ADAMTSL1: variants seen among roughly 807,000 people sequenced by gnomAD.
ADAMTSL1 encodes the protein ADAMTS-like protein 1.
A neutral mutation model predicts 201.8 loss-of-function variants in ADAMTSL1; 126 were observed. That is an observed-to-expected ratio of 0.62 (90% CI 0.54 to 0.72). The LOEUF is 0.72. Ranked by LOEUF, ADAMTSL1 falls within the 30% of genes least tolerant of loss-of-function variation. The pLI, the probability that ADAMTSL1 is intolerant of heterozygous loss-of-function variation, is 0.00. For synonymous variants in ADAMTSL1, 1,121 were observed against 903.4 expected (o/e 1.24, Z -4.32); for missense variants, 2,679 against 2,277.8 (o/e 1.18, Z -3.59).
intron 4 of ADAMTSL1, among the ~76,000 whole-genome samples, chr9:18,583,120 G>A (rs1190194421): frequency 6.6e-6 from 1 of 152,168 alleles, no homozygotes; most frequent in East Asian, 1.9e-4. Flanking sequence ...CAGTAGAGGA[G>A]GGTGCTGCTG....
intron 1 of ADAMTSL1, among the ~76,000 whole-genome samples, chr9:18,147,903 G>C (rs371162787): frequency 3.2e-4 from 48 of 152,128 alleles, no homozygotes; most frequent in Non-Finnish European, 5.6e-4. Context: ...CTCCATATTG[G>C]AGATACCAGC....
chr9:18,413,009 T>TA (rs142224594), intron 2 of ADAMTSL1, among the ~76,000 whole-genome samples: 3,253 of 152,294 alleles, frequency 0.021, 110 homozygotes, highest in African/African-American at 0.073. Context: ...CGTTTTTTGT[T>TA]ACCAAGTTTT....
chr9:18,799,978 TG>T (rs1822680122), intron 20 of ADAMTSL1, among the ~76,000 whole-genome samples: 1 of 152,202 alleles, frequency 6.6e-6, no homozygotes, highest in Non-Finnish European at 1.5e-5. Context: ...CCAGCAGTTC[TG>T]TTAACAAAGG....
At chr9:18,781,485 ATCTT>A (rs1821393664) in intron 19 of ADAMTSL1, among the ~76,000 whole-genome samples, 2 of 152,112 alleles carry the variant, frequency 1.3e-5, no homozygotes, top group East Asian at 1.9e-4. Flanking sequence ...AGTTTTCTCT[ATCTT>A]TCAAGTTCTG....
intron 20 of ADAMTSL1, among the ~76,000 whole-genome samples, chr9:18,813,792 A>G (rs550027927): frequency 1.3e-5 from 2 of 152,322 alleles, no homozygotes; most frequent in South Asian, 4.1e-4. Context: ...TCCAATTTGA[A>G]TGCCCTTTAT....
chr9:18,180,531 TC>T (rs1356913043), intron 2 of ADAMTSL1, among the ~76,000 whole-genome samples: 9 of 27,528 alleles, frequency 3.3e-4, no homozygotes, highest in Admixed American at 1.3e-3. Flanking sequence ...AGACTCCGTG[TC>T]AAAAAAAAAA....
At chr9:18,310,830 T>C (rs958867098) in intron 2 of ADAMTSL1, among the ~76,000 whole-genome samples, 1 of 152,236 alleles carries the variant, frequency 6.6e-6, no homozygotes, top group South Asian at 2.1e-4. Flanking sequence ...GAAATACCAT[T>C]TGACTCAGCA....
intron 9 of ADAMTSL1, among the ~76,000 whole-genome samples, chr9:18,671,323 T>C (rs902122077): frequency 1.3e-5 from 2 of 152,178 alleles, no homozygotes; most frequent in African/African-American, 4.8e-5. Context: ...CTGGGCATTA[T>C]GGAACCATGT....
chr9:17,974,781 G>A (rs1735281319), intron 1 of ADAMTSL1, among the ~76,000 whole-genome samples: 1 of 152,082 alleles, frequency 6.6e-6, no homozygotes, highest in Admixed American at 6.6e-5. Context: ...GCACTCGTCT[G>A]TTGAACACTT....
chr9:18,792,841 G>T (rs1822142892), intron 19 of ADAMTSL1, among the ~76,000 whole-genome samples: 1 of 152,188 alleles, frequency 6.6e-6, no homozygotes, highest in Non-Finnish European at 1.5e-5. Flanking sequence ...GTTTACCAAA[G>T]ATAAGTAAAT....
chr9:18,838,147 A>T (rs534513503), intron 23 of ADAMTSL1, among the ~76,000 whole-genome samples: 1 of 152,052 alleles, frequency 6.6e-6, no homozygotes, highest in Admixed American at 6.6e-5. Flanking sequence ...TCTTACATGG[A>T]TGGTGGCAGG....
chr9:17,939,253 A>G (rs1006575339), intron 1 of ADAMTSL1, among the ~76,000 whole-genome samples: 1 of 151,504 alleles, frequency 6.6e-6, no homozygotes, highest in African/African-American at 2.4e-5. Context: ...TTTAGCATGA[A>G]TGTGGTGTTA....
intron 2 of ADAMTSL1, among the ~76,000 whole-genome samples, chr9:18,207,626 T>G (rs1233379053): frequency 6.6e-6 from 1 of 152,182 alleles, no homozygotes; most frequent in Non-Finnish European, 1.5e-5. Context: ...AAAAGGTGAA[T>G]CCATGGTCCG....
chr9:18,777,781 C>T lies in ADAMTSL1; in HGVS notation c.3552C>T (p.His1184=), dbSNP rs768364593. 1.7e-5 allele frequency: 27 copies of T among 1,613,696 alleles called. 1 individual carries two copies. Among genetic ancestry groups the T allele is most frequent in the Admixed American group, 1.2e-4 (7 of 60,006 alleles). ...TCTCAGCCTCGGAGGTGGTCACCCA[C>T]CTGGGGCAGACGGTGGCCCTGGCCA... ...QQLSASEVVT[H]LGQTVALASG... The change falls in exon 19 of 29, where the codon CAC becomes CAT. Residue 1184 remains histidine (H), a synonymous_variant. Coordinates refer to ENST00000380548, the MANE Select transcript of ADAMTSL1 (RefSeq NM_001040272.6).
chr9:18,673,318 G>A (rs1301053138), intron 9 of ADAMTSL1, among the ~76,000 whole-genome samples: 1 of 152,186 alleles, frequency 6.6e-6, no homozygotes, highest in Non-Finnish European at 1.5e-5. Context: ...AAAGGCTAGG[G>A]CCATGGCATG....
At chr9:18,905,708 A>C in intron 26 of ADAMTSL1, 74 bp from the exon 27 acceptor site, 1 of 1,176,838 alleles carries the variant, frequency 8.5e-7, no homozygotes. Context: ...CGTGCATGCC[A>C]TGCAGCCCAA....
chr9:18,156,195 A>G (rs1333359061), intron 1 of ADAMTSL1, among the ~76,000 whole-genome samples: 1 of 152,024 alleles, frequency 6.6e-6, no homozygotes, highest in Non-Finnish European at 1.5e-5. Context: ...CAGTGCAAAC[A>G]ACGAGGTGGG....
chr9:17,963,089 A>G (rs187388422), intron 1 of ADAMTSL1, among the ~76,000 whole-genome samples: 6 of 152,362 alleles, frequency 3.9e-5, no homozygotes, highest in Admixed American at 3.3e-4. Flanking sequence ...CATTTGAACA[A>G]TTCCATTAAA....
intron 23 of ADAMTSL1, among the ~76,000 whole-genome samples, chr9:18,870,387 A>C (rs187169898): frequency 2.0e-5 from 3 of 152,310 alleles, no homozygotes; most frequent in Admixed American, 2.0e-4. Flanking sequence ...ACAGGCAATT[A>C]ACTCAAACTC....
Sources: allele counts gnomAD v4.1 joint callset (sites outside exome capture counted in the v4.1 genomes callset), GRCh38; gene constraint gnomAD v4.1.1; transcripts MANE v1.5; gene names NCBI Gene and HGNC (gene_info 2026-07-23, HGNC 2026-07-21).